The following LUC7L3 variants were observed in gnomAD, a reference collection of about 807,000 sequenced individuals.
The protein encoded by LUC7L3 is LUC7 like 3 pre-mRNA splicing factor, also known as luc7-like protein 3.
A neutral mutation model predicts 66.8 loss-of-function variants in LUC7L3; 6 were observed. The ratio of observed to expected loss-of-function variants is 0.09; its 90% CI spans 0.05 to 0.18. LUC7L3 has a LOEUF of 0.18. Ranked by LOEUF, LUC7L3 falls within the 10% of genes least tolerant of loss-of-function variation. LUC7L3 has a pLI of 1.00. For missense variants in LUC7L3, 341 were observed against 531.1 expected (o/e 0.64, Z 3.52); for synonymous variants, 160 against 174.7 (o/e 0.92, Z 0.66).
Position 50,737,433 on chromosome 17 carries a change from G to A in LUC7L3, c.166+407G>A, listed in dbSNP as rs555543754. 316 of 424,408 alleles carry A rather than the reference G, an allele frequency of 7.4e-4. 1 individual carries two copies. Among genetic ancestry groups the A allele is most frequent in the South Asian group, 4.8e-3 (281 of 58,440 alleles). 26.3% of individuals were successfully genotyped at this position (424,408 alleles called of 1,614,324 possible). ...AAGGGGATACTAAACAGAAGCGAGTGTTTGATCAGCAGAACCCTGGACAGG... is the reference window on the plus strand; with the variant it reads ...AAGGGGATACTAAACAGAAGCGAGTATTTGATCAGCAGAACCCTGGACAGG... On this transcript the variant is annotated intron_variant, in intron 2 of 9. Transcript: ENST00000505658.
Position 50,746,349 on chromosome 17 carries a change from A to G in LUC7L3, c.978-193A>G, listed in dbSNP as rs117533659. Among the ~76,000 whole-genome samples the G allele has an allele frequency of 5.4e-4, 82 of 152,360 alleles. No individual in the cohort carries two copies. In the East Asian group the frequency reaches 0.015, roughly 28 times the overall value. On this transcript the variant is annotated intron_variant, in intron 8 of 9. Transcript: ENST00000505658. The stretch of plus-strand genomic sequence containing the variant: ...TTGAAGAAGAGTCTTAAAGAGCACA[A>G]CGATAACCATCTTAGCACTATTGGA...
chr17:50,719,888 C>A, intron 1 of LUC7L3, 57 bp downstream of exon 1: 1 of 1,502,920 alleles, frequency 6.7e-7, no homozygotes, highest in Non-Finnish European at 9.0e-7. Flanking sequence ...GGAGCGGGCG[C>A]GGGCTGTGGC....
chr17:50,733,028 G>C (rs987759901), intron 1 of LUC7L3, among the ~76,000 whole-genome samples: 3 of 152,124 alleles, frequency 2.0e-5, no homozygotes, highest in African/African-American at 2.4e-5. Flanking sequence ...TTTTTTAATG[G>C]TGAACCTTTC....
At chr17:50,728,107 G>T (rs566104951) in intron 1 of LUC7L3, among the ~76,000 whole-genome samples, 1 of 122,438 alleles carries the variant, frequency 8.2e-6, no homozygotes, top group East Asian at 2.2e-4. Context: ...GACAGAGCGA[G>T]ATCTGTCTCA....
At position 50,751,431 on chromosome 17, in the gene LUC7L3, G is replaced by A; in HGVS notation, c.*770G>A. ...GAATGCTATTGCCTGTGATCTTTACGCTTAACTGTTGTGTATCTTTTTTGT... is the reference window on the plus strand; with the variant it reads ...GAATGCTATTGCCTGTGATCTTTACACTTAACTGTTGTGTATCTTTTTTGT... On this transcript the variant is annotated 3_prime_UTR_variant, in exon 10 of 10. Transcript: ENST00000505658. The A allele has an allele frequency of 4.7e-6, 6 of 1,283,684 alleles. No individual in the cohort carries two copies. The highest frequency in any genetic ancestry group is 5.6e-5 in the East Asian group (1 of 17,894). 79.5% of individuals were successfully genotyped at this position (1,283,684 alleles called of 1,614,324 possible).
chr17:50,726,959 G>T (rs1184073599), intron 1 of LUC7L3, among the ~76,000 whole-genome samples: 7 of 151,932 alleles, frequency 4.6e-5, no homozygotes, highest in African/African-American at 1.7e-4. Flanking sequence ...CGTTGTGGCC[G>T]GTGCTTGTAA....
intron 9 of LUC7L3, among the ~76,000 whole-genome samples, chr17:50,750,030 A>G (rs887379): frequency 0.084 from 12,773 of 152,240 alleles, 687 homozygotes; most frequent in Middle Eastern, 0.16. Context: ...ATATAAAAAT[A>G]ATGTTTTGCA....
rs1971076711 is a variant in LUC7L3 at position 50,754,565 on chromosome 17, G to GGACC, written c.*3909_*3912dup. The GGACC allele has an allele frequency of 6.6e-6, 1 of 152,154 alleles. No homozygotes were observed. Among genetic ancestry groups the GGACC allele is most frequent in the Non-Finnish European group, 1.5e-5 (1 of 68,010 alleles). The allele number at this position is 152,154 out of a possible 1,614,324, so 9.4% of individuals were successfully genotyped here. ...TTAATTTTCATTGAGCCTTTCAAGAGGACCGACCAGTCTGCTGCTCAAGAC... is the reference window on the plus strand; with the variant it reads ...TTAATTTTCATTGAGCCTTTCAAGAGGACCGACCGACCAGTCTGCTGCTCAAGAC... On this transcript the variant is annotated 3_prime_UTR_variant, in exon 10 of 10. Coordinates refer to ENST00000505658, the MANE Select transcript of LUC7L3 (RefSeq NM_016424.5).
intron 1 of LUC7L3, among the ~76,000 whole-genome samples, chr17:50,721,766 A>AC (rs1343000870): frequency 6.6e-6 from 1 of 152,194 alleles, no homozygotes; most frequent in Non-Finnish European, 1.5e-5. Context: ...GGATGGGCAA[A>AC]CCCATTATAT....
chr17:50,741,381 AT>A (rs970105692), intron 4 of LUC7L3, 135 bp downstream of exon 4: 30 of 903,554 alleles, frequency 3.3e-5, no homozygotes, highest in South Asian at 4.0e-5. Context: ...TAGGGCATTC[AT>A]TTTTTTTCCA....
At chr17:50,739,237 A>G (rs1480470264) in intron 2 of LUC7L3, among the ~76,000 whole-genome samples, 1 of 152,204 alleles carries the variant, frequency 6.6e-6, no homozygotes, top group African/African-American at 2.4e-5. Context: ...AGTATCCCAG[A>G]TTGAAGTAAG....
chr17:50,735,260 TC>T (rs1312833851), intron 1 of LUC7L3, among the ~76,000 whole-genome samples: 1 of 142,074 alleles, frequency 7.0e-6, no homozygotes, highest in Non-Finnish European at 1.5e-5. Flanking sequence ...AAAAAAACTT[TC>T]GTGTCTGTGA....
intron 2 of LUC7L3, 36 bp from the exon 3 acceptor site, chr17:50,740,270 C>T: frequency 6.7e-7 from 1 of 1,483,620 alleles, no homozygotes; most frequent in South Asian, 1.2e-5. Context: ...TGCTAATAAT[C>T]ACAGATAATT....
rs1042702078 is a variant in LUC7L3, at chr17:50,755,299, GGGGAGAT to G, written c.*4644_*4650del. 4 of 152,228 alleles carry G rather than the reference GGGGAGAT, an allele frequency of 2.6e-5. No homozygotes were observed. Among genetic ancestry groups the G allele is most frequent in the African/African-American group, 4.8e-5 (2 of 41,532 alleles). 9.4% of individuals were successfully genotyped at this position (152,228 alleles called of 1,614,324 possible). On this transcript the variant is annotated 3_prime_UTR_variant, in exon 10 of 10. Coordinates refer to ENST00000505658, the MANE Select transcript of LUC7L3 (RefSeq NM_016424.5). ...TATTCTTCCAAGTTGTTTTCTTTGT[GGGGAGAT>G]GGGAGGTGGGAGGAAATATAAACAT...
chr17:50,740,135 A>G (rs999325670), intron 2 of LUC7L3, 171 bp from the exon 3 acceptor site: 1 of 565,740 alleles, frequency 1.8e-6, no homozygotes, highest in Non-Finnish European at 3.1e-6. Context: ...TTTATATCCT[A>G]TTTGGTTATG....
At chr17:50,730,447 G>C (rs747552090) in intron 1 of LUC7L3, among the ~76,000 whole-genome samples, 1 of 147,220 alleles carries the variant, frequency 6.8e-6, no homozygotes, top group Non-Finnish European at 1.5e-5. Flanking sequence ...GAGCCTGGGA[G>C]GTAGAGGTAG....
chr17:50,733,449 T>G (rs1969766492), intron 1 of LUC7L3, among the ~76,000 whole-genome samples: 1 of 144,308 alleles, frequency 6.9e-6, no homozygotes, highest in East Asian at 2.1e-4. Flanking sequence ...TCGCCCAGGC[T>G]GGAGTGCAGT....
At chr17:50,749,449 A>G (rs1455663543) in intron 9 of LUC7L3, 4 of 1,000,900 alleles carry the variant, frequency 4.0e-6, no homozygotes, top group Admixed American at 6.9e-5. Context: ...GTATTATGCA[A>G]GTGTTACGGA....
chr17:50,727,806 T>C (rs2146700879), intron 1 of LUC7L3, among the ~76,000 whole-genome samples: 1 of 151,548 alleles, frequency 6.6e-6, no homozygotes, highest in Admixed American at 6.6e-5. Context: ...AAGAACTTGG[T>C]TTTAAATAGT....
Sources: allele counts gnomAD v4.1 joint callset (sites outside exome capture counted in the v4.1 genomes callset), GRCh38; gene constraint gnomAD v4.1.1; transcripts MANE v1.5; gene names NCBI Gene and HGNC (gene_info 2026-07-23, HGNC 2026-07-21).